FAHD1: variants seen among roughly 807,000 people sequenced by gnomAD.
FAHD1 encodes oxaloacetate tautomerase FAHD1, mitochondrial.
Under a neutral mutation model 12.7 loss-of-function variants are expected in FAHD1, and 14 were observed. The ratio of observed to expected loss-of-function variants is 1.10; its 90% CI spans 0.73 to 1.72. The LOEUF (loss-of-function observed/expected upper bound fraction) is 1.72, where lower values mean the gene tolerates loss of function less well. Among genes scored for constraint, FAHD1 ranks in the 40% most tolerant of loss-of-function variants. FAHD1 has a pLI of 0.00. For synonymous variants in FAHD1, 153 were observed against 124.9 expected, an observed-to-expected ratio of 1.22 and a Z score of -1.50; for missense variants, 351 against 298.9, an observed-to-expected ratio of 1.17 and a Z score of -1.29.
chr16:1,834,833 G>GTT (rs1898695780), intron 1 of FAHD1, among the ~76,000 whole-genome samples: 1 of 152,168 alleles, frequency 6.6e-6, no homozygotes, highest in Admixed American at 6.5e-5. Context: ...TACTCAGAAG[G>GTT]CTGAGGCAGG....
chr16:1,836,362 G>C (rs977205320), intron 1 of FAHD1, among the ~76,000 whole-genome samples: 19 of 152,260 alleles, frequency 1.2e-4, no homozygotes, highest in Admixed American at 1.2e-3. Context: ...TGTTGTATTT[G>C]AATCAAATTT....
chr16:1,830,915 T>TACACACACACACACACACACAC (rs1555470121), downstream of FAHD1, among the ~76,000 whole-genome samples: 2 of 37,528 alleles, frequency 5.3e-5, no homozygotes, highest in African/African-American at 2.0e-4. Context: ...TCTCTCTCTC[T>TACACACACACACACACACACAC]ATACACACAC....
exon 2 of FAHD1, chr16:1,838,022 G>T (rs763631463): frequency 3.6e-6 from 5 of 1,384,452 alleles, no homozygotes; most frequent in Non-Finnish European, 4.8e-6. Context: ...GTAGAGACAG[G>T]GTCTCACTCT....
At chr16:1,830,944 A>ACACACAC (rs57025691), downstream of FAHD1, among the ~76,000 whole-genome samples, 1 of 147,206 alleles carries the variant, frequency 6.8e-6, no homozygotes, top group East Asian at 2.0e-4. Context: ...ACACACACAC[A>ACACACAC]CCCATATTTT....
At chr16:1,834,120 A>G (rs1898675062) in intron 1 of FAHD1, 1 of 600,256 alleles carries the variant, frequency 1.7e-6, no homozygotes, top group Non-Finnish European at 3.0e-6. Flanking sequence ...GACCACCTCC[A>G]CCATAACAAT....
In FAHD1 at chr16:1,828,212, C is replaced by T. The variant is rs1192240635; in HGVS notation, c.*308C>T. The T allele has an allele frequency of 6.7e-6, 6 of 898,676 alleles. No individual in the cohort carries two copies. The African/African-American group carries it at 7.7e-5, about 12-fold the overall frequency. 55.7% of individuals were successfully genotyped at this position (898,676 alleles called of 1,614,324 possible). ...AGGAGAATCAATTGAACCCGGGAGG[C>T]GGAGCTTACAGTGAGCTGAGATTGC... On this transcript the variant is annotated 3_prime_UTR_variant, in exon 1 of 1. Coordinates refer to ENST00000427358, the Ensembl canonical transcript of FAHD1.
downstream of FAHD1, among the ~76,000 whole-genome samples, chr16:1,832,962 A>G (rs1360264122): frequency 6.9e-6 from 1 of 145,824 alleles, no homozygotes; most frequent in Non-Finnish European, 1.5e-5. Context: ...CAGATAAAAC[A>G]TGACTGACGA....
exon 3 of FAHD1, chr16:1,839,334 A>G (rs1447184738): frequency 1.2e-6 from 2 of 1,614,122 alleles, no homozygotes; most frequent in African/African-American, 1.3e-5. Context: ...AGTCAGATCA[A>G]TCAGCACATG....
chr16:1,832,748 C>T (rs1005415935), downstream of FAHD1, among the ~76,000 whole-genome samples: 10 of 148,740 alleles, frequency 6.7e-5, no homozygotes, highest in African/African-American at 1.5e-4. Context: ...GCACCAACCA[C>T]GACACCCTCA....
chr16:1,835,283 CAT>C (rs1219514318), intron 1 of FAHD1, among the ~76,000 whole-genome samples: 1 of 151,318 alleles, frequency 6.6e-6, no homozygotes, highest in South Asian at 2.1e-4. Flanking sequence ...AAAAGTATAA[CAT>C]ATGAAAAAGG....
chr16:1,828,491 G>A (rs1065583), exon 1 of FAHD1: 159,279 of 999,530 alleles, frequency 0.16, 13,090 homozygotes, highest in South Asian at 0.21. Context: ...AGACTTTTCA[G>A]TGGGTTATCT....
intron 1 of FAHD1, among the ~76,000 whole-genome samples, chr16:1,836,470 CT>C (rs1318396421): frequency 2.0e-5 from 3 of 152,144 alleles, no homozygotes; most frequent in Non-Finnish European, 4.4e-5. Flanking sequence ...GGTCAAGGAC[CT>C]AAGCATGCCC....
chr16:1,839,189 T>C (rs1172935025), intron 2 of FAHD1: 3 of 1,459,866 alleles, frequency 2.1e-6, no homozygotes, highest in South Asian at 1.5e-5. Flanking sequence ...AAACAACCTA[T>C]ATTTTTTTGG....
chr16:1,834,325 A>C, intron 1 of FAHD1: 1 of 1,613,112 alleles, frequency 6.2e-7, no homozygotes, highest in Non-Finnish European at 8.5e-7. Context: ...ACGAGAGTAC[A>C]CTAATTTTCA....
exon 1 of FAHD1, chr16:1,827,594 C>T: frequency 1.2e-6 from 2 of 1,613,762 alleles, no homozygotes; most frequent in South Asian, 1.1e-5. Flanking sequence ...TGGACTCTGG[C>T]GAAGAGCTTC....
downstream of FAHD1, among the ~76,000 whole-genome samples, chr16:1,829,238 G>T (rs747110789): frequency 6.6e-6 from 1 of 152,164 alleles, no homozygotes; most frequent in Non-Finnish European, 1.5e-5. Flanking sequence ...GCTGGCCCCT[G>T]AAGAAAGCCT....
Position 1,827,674 on chromosome 16 carries a change from T to G in FAHD1, c.436T>G (p.Trp146Gly), listed in dbSNP as rs776287940. 1.7e-5 allele frequency: 27 copies of G among 1,613,998 alleles called. No homozygotes were observed. The East Asian group carries it at 5.6e-4, about 33-fold the overall frequency. The change falls in exon 1 of 1, where the codon TGG becomes GGG. Residue 146 changes from tryptophan (W) to glycine (G), a missense_variant. Trp to Gly is a radical substitution (Grantham distance 184). Coordinates refer to ENST00000427358, the Ensembl canonical transcript of FAHD1. ...CCCTGACCCTCACAAGCTGAAGCTCTGGCTCAAGGTCAACGGCGAACTCAG... is the reference window on the plus strand; with the variant it reads ...CCCTGACCCTCACAAGCTGAAGCTCGGGCTCAAGGTCAACGGCGAACTCAG...
intron 1 of FAHD1, chr16:1,834,245 G>C: frequency 1.4e-6 from 2 of 1,475,586 alleles, no homozygotes; most frequent in Non-Finnish European, 1.9e-6. Flanking sequence ...AGTTCAAAAT[G>C]ATAGACCGTT....
downstream of FAHD1, among the ~76,000 whole-genome samples, chr16:1,829,840 C>G (rs964975013): frequency 3.3e-5 from 5 of 151,794 alleles, no homozygotes; most frequent in Admixed American, 6.6e-5. Context: ...TTGCTCATAC[C>G]ATACAATTTT....
Sources: allele counts gnomAD v4.1 joint callset (sites outside exome capture counted in the v4.1 genomes callset), GRCh38; gene constraint gnomAD v4.1.1; transcripts MANE v1.5; gene names NCBI Gene and HGNC (gene_info 2026-07-23, HGNC 2026-07-21).